ZFYVE27: variants seen among roughly 807,000 people sequenced by gnomAD.
ZFYVE27 encodes protrudin.
A neutral mutation model predicts 52.8 loss-of-function variants in ZFYVE27; 36 were observed. The observed-to-expected ratio is 0.68, with a 90% CI of 0.52 to 0.90. ZFYVE27 has a LOEUF of 0.90. ZFYVE27 is among the 40% of genes least tolerant of loss of function. ZFYVE27 has a pLI of 0.00. For synonymous variants in ZFYVE27, 223 were observed against 215.6 expected, an observed-to-expected ratio of 1.03 and a Z score of -0.30; for missense variants, 450 against 527.2, an observed-to-expected ratio of 0.85 and a Z score of 1.43.
Position 97,757,469 on chromosome 10 carries a change from C to G in ZFYVE27, c.1089+158C>G, listed in dbSNP as rs2048660127. On this transcript the variant is annotated intron_variant, in intron 11 of 12. Coordinates refer to ENST00000684270, the MANE Select transcript of ZFYVE27 (RefSeq NM_001385875.1). ...TGTGCCCTCCCCTGCGCCTGTGCCA[C>G]CTTTTACCAGCCTCCCCAGGGGGTA... Among the ~76,000 whole-genome samples the G allele has an allele frequency of 2.0e-5, 3 of 152,148 alleles. No individual in the cohort carries two copies. The South Asian group carries it at 6.2e-4, about 31-fold the overall frequency.
intron 3 of ZFYVE27, among the ~76,000 whole-genome samples, chr10:97,744,356 A>G (rs758029956): frequency 5.3e-5 from 8 of 152,342 alleles, no homozygotes; most frequent in South Asian, 2.1e-4. Context: ...AGTGTCAGGC[A>G]TCAGGAGCTC....
At chr10:97,744,141 A>C (rs1282354744) in intron 3 of ZFYVE27, among the ~76,000 whole-genome samples, 1 of 152,242 alleles carries the variant, frequency 6.6e-6, no homozygotes, top group Non-Finnish European at 1.5e-5. Context: ...CTCCCAAAGT[A>C]AGTCAGTTCC....
chr10:97,757,792 A>C, intron 12 of ZFYVE27, 69 bp downstream of exon 12: 1 of 1,522,940 alleles, frequency 6.6e-7, no homozygotes, highest in Admixed American at 1.7e-5. Context: ...TGTGGCACAG[A>C]GGCAAGGGTG....
intron 10 of ZFYVE27, among the ~76,000 whole-genome samples, chr10:97,755,671 A>G (rs12253535): frequency 0.072 from 10,903 of 151,988 alleles, 1,107 homozygotes; most frequent in African/African-American, 0.23. Flanking sequence ...GGGCTATTCT[A>G]TTTACCCCTG....
chr10:97,737,885 A>G (rs2042536219), intron 1 of ZFYVE27, among the ~76,000 whole-genome samples: 1 of 152,230 alleles, frequency 6.6e-6, no homozygotes, highest in Non-Finnish European at 1.5e-5. Flanking sequence ...AGAGTCCTGG[A>G]GCACGGTATT....
At chr10:97,746,053 T>A (rs867718429) in intron 4 of ZFYVE27, among the ~76,000 whole-genome samples, 319 of 120,064 alleles carry the variant, frequency 2.7e-3, no homozygotes, top group East Asian at 8.1e-3. Flanking sequence ...ATATATATAT[T>A]TTTTTTTTTT....
rs368214692 is a variant in ZFYVE27 at position 97,757,584 on chromosome 10, T to C, written c.1090-58T>C. 12 of 1,568,580 alleles carry C rather than the reference T, an allele frequency of 7.7e-6. No individual in the cohort carries two copies. The African/African-American group carries it at 1.6e-4, about 21-fold the overall frequency. ...CAGCTGGTGGAAAGGAGGGAGGTGC[T>C]GAGAACTCCAGGTACCTGAGGGTGA... is the stretch of plus-strand genomic sequence containing the variant. On this transcript the variant is annotated intron_variant, in intron 11 of 12. Transcript: ENST00000684270.
Position 97,757,623 on chromosome 10 carries a change from C to T in ZFYVE27, c.1090-19C>T, listed in dbSNP as rs376741343. On this transcript the variant is annotated intron_variant, in intron 11 of 12. Transcript: ENST00000684270. ...ACCTGAGGGTGAGGGACACATCTGA[C>T]CTTGGCTCTTGTCTGCAGCGGAGCT... is the stretch of plus-strand genomic sequence containing the variant. The T allele has an allele frequency of 6.8e-6, 11 of 1,613,538 alleles. No homozygotes were observed. The highest frequency in any genetic ancestry group is 8.5e-6 in the Non-Finnish European group (10 of 1,179,550).
intron 11 of ZFYVE27, 151 bp from the exon 12 acceptor site, chr10:97,757,491 G>T: frequency 1.6e-6 from 2 of 1,220,810 alleles, no homozygotes; most frequent in East Asian, 4.7e-5. Context: ...CTCCCCAGGG[G>T]GTATTCCATT....
At position 97,743,109 on chromosome 10, in the gene ZFYVE27, G is replaced by C; in HGVS notation, c.213G>C (p.Leu71Phe). The C allele has an allele frequency of 6.2e-7, 1 of 1,614,236 alleles. No homozygotes were observed. Among genetic ancestry groups the C allele is most frequent in the Non-Finnish European group, 8.5e-7 (1 of 1,180,032 alleles). Residue 71 changes from leucine to phenylalanine, a missense_variant, in exon 3 of 13, where the codon TTG becomes TTC. Transcript: ENST00000684270. The stretch of plus-strand genomic sequence containing the variant: ...TGTATTGTAGGTGGCAGATGCCTTT[G>C]TGTTCCTTGCTGACCTGCCTGGGCC... ...VRYLLRWQMPLCSLLTCLGLN... is the reference protein window; with the variant it reads ...VRYLLRWQMPFCSLLTCLGLN...
Position 97,743,078 on chromosome 10 carries a change from A to T in ZFYVE27, c.198-16A>T. ...GGAGTGACTCTCTGTAGTGATCAGG[A>T]CTCTCTGTATTGTAGGTGGCAGATG... is the stretch of plus-strand genomic sequence containing the variant. On this transcript the variant is annotated splice_polypyrimidine_tract_variant and intron_variant, in intron 2 of 12. Transcript: ENST00000684270. The T allele has an allele frequency of 6.2e-7, 1 of 1,613,476 alleles. No individual in the cohort carries two copies. The highest frequency in any genetic ancestry group is 8.5e-7 in the Non-Finnish European group (1 of 1,179,848).
intron 1 of ZFYVE27, among the ~76,000 whole-genome samples, chr10:97,737,660 T>A (rs2042464818): frequency 6.6e-6 from 1 of 152,162 alleles, no homozygotes. Context: ...CTGGGACTGG[T>A]TTATGTTGCT....
chr10:97,750,515 G>GC (rs755920267), intron 7 of ZFYVE27, 45 bp downstream of exon 7: 2 of 1,610,990 alleles, frequency 1.2e-6, no homozygotes, highest in Non-Finnish European at 8.5e-7. Flanking sequence ...CCGCTTGTGG[G>GC]CCCCCCTGTT....
Position 97,759,406 on chromosome 10 carries a change from C to A in ZFYVE27, c.*106C>A. The A allele has an allele frequency of 8.3e-7, 1 of 1,198,074 alleles. No individual in the cohort carries two copies. Among genetic ancestry groups the A allele is most frequent in the Non-Finnish European group, 1.2e-6 (1 of 810,606 alleles). 74.2% of individuals were successfully genotyped at this position (1,198,074 alleles called of 1,614,324 possible). A position where few individuals can be genotyped will look rare whatever the true frequency, so the allele number is the denominator to read the frequency against. ...GTGGTGTGTGCTGGGCAAATGTGGCCTGAATGCTAGGTAGGCTTCCCCTTC... is the reference window on the plus strand; with the variant it reads ...GTGGTGTGTGCTGGGCAAATGTGGCATGAATGCTAGGTAGGCTTCCCCTTC... On this transcript the variant is annotated 3_prime_UTR_variant, in exon 13 of 13. Transcript: ENST00000684270.
Position 97,738,543 on chromosome 10 carries a change from C to T in ZFYVE27, c.66C>T (p.Pro22=), listed in dbSNP as rs759564020. ...ELSPSVMPEA[P]LESPPFPTKS... ...GCCCCAGCGTGATGCCCGAGGCTCCCCTGGAGTCTCCACCTTTTCCTACCA... is the reference window on the plus strand; with the variant it reads ...GCCCCAGCGTGATGCCCGAGGCTCCTCTGGAGTCTCCACCTTTTCCTACCA... Residue 22 remains proline, a synonymous_variant, in exon 2 of 13, where the codon CCC becomes CCT. Transcript: ENST00000684270. The T allele has an allele frequency of 1.9e-6, 3 of 1,614,140 alleles. No individual in the cohort carries two copies. The highest frequency in any genetic ancestry group is 1.7e-6 in the Non-Finnish European group (2 of 1,180,016).
chr10:97,748,709 T>G (rs1291359470), intron 5 of ZFYVE27, among the ~76,000 whole-genome samples: 2 of 152,240 alleles, frequency 1.3e-5, no homozygotes, highest in East Asian at 3.8e-4. Flanking sequence ...TTCTTTTGTT[T>G]TCCACTTATC....
chr10:97,741,634 G>T (rs1379687155), intron 2 of ZFYVE27, among the ~76,000 whole-genome samples: 1 of 152,118 alleles, frequency 6.6e-6, no homozygotes. Context: ...GCTAGAGGAA[G>T]AATAGCATTA....
At chr10:97,746,779 T>C (rs1198729333) in intron 4 of ZFYVE27, among the ~76,000 whole-genome samples, 2 of 151,904 alleles carry the variant, frequency 1.3e-5, no homozygotes, top group Admixed American at 1.3e-4. Context: ...AGCCTCAACC[T>C]CCTGGACTCA....
Position 97,751,475 on chromosome 10 carries a change from T to C in ZFYVE27, c.876+13T>C, listed in dbSNP as rs1189626084. 3.1e-6 allele frequency: 5 copies of C among 1,613,198 alleles called. No homozygotes were observed. The Admixed American group carries it at 6.7e-5, about 22-fold the overall frequency. On this transcript the variant is annotated intron_variant, in intron 8 of 12. Coordinates refer to ENST00000684270, the MANE Select transcript of ZFYVE27 (RefSeq NM_001385875.1). ...AGATGCGATTGAGGTGGGTGGCCCT[T>C]CCCCAGCATCCTCTACTCAGCAGGC...
Sources: allele counts gnomAD v4.1 joint callset (sites outside exome capture counted in the v4.1 genomes callset), GRCh38; gene constraint gnomAD v4.1.1; transcripts MANE v1.5; gene names NCBI Gene and HGNC (gene_info 2026-07-23, HGNC 2026-07-21).